Variants in SORCS2 observed in about 807,000 individuals in gnomAD.
The protein encoded by SORCS2 is sortilin related VPS10 domain containing receptor 2.
A neutral mutation model predicts 141.6 loss-of-function variants in SORCS2; 100 were observed. That is an observed-to-expected ratio of 0.71 (90% CI 0.60 to 0.83). The LOEUF is 0.83. Among genes scored for constraint, SORCS2 ranks in the 40% least tolerant of loss-of-function variants. SORCS2 has a pLI of 0.00. For missense variants in SORCS2, 1,646 were observed against 1,560.2 expected, an observed-to-expected ratio of 1.05 and a Z score of -0.93; for synonymous variants, 789 against 676.9, an observed-to-expected ratio of 1.17 and a Z score of -2.57.
intron 1 of SORCS2, among the ~76,000 whole-genome samples, chr4:7,358,124 G>T (rs1721368651): frequency 6.6e-6 from 1 of 152,194 alleles, no homozygotes; most frequent in Admixed American, 6.5e-5. Flanking sequence ...CACAGGAAAG[G>T]GCACAGAGAA....
At chr4:7,727,270 C>A (rs939967051) in intron 21 of SORCS2, among the ~76,000 whole-genome samples, 7 of 152,244 alleles carry the variant, frequency 4.6e-5, no homozygotes, top group African/African-American at 1.7e-4. Flanking sequence ...CAAGCCTGAG[C>A]ATTGTCTCAT....
chr4:7,741,540 A>C lies in SORCS2; in HGVS notation c.*1276A>C. 3.2e-6 allele frequency: 1 copy of C among 313,858 alleles called. No homozygotes were observed. The allele number at this position is 313,858 out of a possible 1,614,324, so 19.4% of individuals were successfully genotyped here. A position where few individuals can be genotyped will look rare whatever the true frequency, so the allele number is the denominator to read the frequency against. On this transcript the variant is annotated 3_prime_UTR_variant, in exon 27 of 27. Transcript: ENST00000507866. ...CCCTCCTCTCTGGCAGGGATCTCAGATGACCGTGGCCTCCCTCTCAGAGGG... is the reference window on the plus strand; with the variant it reads ...CCCTCCTCTCTGGCAGGGATCTCAGCTGACCGTGGCCTCCCTCTCAGAGGG...
At chr4:7,320,536 T>C (rs974441374) in intron 1 of SORCS2, among the ~76,000 whole-genome samples, 9 of 152,266 alleles carry the variant, frequency 5.9e-5, no homozygotes, top group African/African-American at 2.2e-4. Context: ...TGTTGCCAGA[T>C]GGCTGGTGTG....
chr4:7,414,724 G>C (rs1451720225), intron 2 of SORCS2, among the ~76,000 whole-genome samples: 1 of 152,234 alleles, frequency 6.6e-6, no homozygotes, highest in Non-Finnish European at 1.5e-5. Flanking sequence ...AAGAGCAACG[G>C]TACCAGGTGC....
chr4:7,285,803 G>A (rs1716179451), intron 1 of SORCS2, among the ~76,000 whole-genome samples: 3 of 152,224 alleles, frequency 2.0e-5, no homozygotes, highest in Non-Finnish European at 1.5e-5. Context: ...AAGTCCGAGG[G>A]TGCGGGAGTG....
intron 1 of SORCS2, among the ~76,000 whole-genome samples, chr4:7,345,469 G>T (rs114150726): frequency 0.022 from 3,275 of 152,192 alleles, 50 homozygotes; most frequent in Middle Eastern, 0.041. Flanking sequence ...CAGTAACTTG[G>T]GGGTCTCCTG....
At chr4:7,702,637 C>T (rs1336323244) in intron 12 of SORCS2, among the ~76,000 whole-genome samples, 2 of 152,252 alleles carry the variant, frequency 1.3e-5, no homozygotes, top group East Asian at 3.9e-4. Flanking sequence ...CCTTGGGGAT[C>T]TGGTGGTCGG....
intron 2 of SORCS2, among the ~76,000 whole-genome samples, chr4:7,506,133 C>T (rs1019278123): frequency 1.3e-5 from 2 of 152,060 alleles, no homozygotes; most frequent in Non-Finnish European, 2.9e-5. Context: ...AGGGACACTC[C>T]GGGGTCTGTG....
intron 1 of SORCS2, among the ~76,000 whole-genome samples, chr4:7,288,718 CCTT>C (rs1052132010): frequency 1.4e-4 from 21 of 146,276 alleles, no homozygotes; most frequent in African/African-American, 4.8e-4. Flanking sequence ...ACCTTAATCA[CCTT>C]CTTACAGTCC....
chr4:7,462,886 C>T (rs941959437), intron 2 of SORCS2, among the ~76,000 whole-genome samples: 1 of 150,530 alleles, frequency 6.6e-6, no homozygotes, highest in Admixed American at 6.7e-5. Context: ...CAGTGAGTTC[C>T]AAAAAACAAA....
chr4:7,560,209 C>A (rs2109668329), intron 3 of SORCS2, among the ~76,000 whole-genome samples: 1 of 152,294 alleles, frequency 6.6e-6, no homozygotes, highest in Admixed American at 6.5e-5. Context: ...TCCGAGGTGG[C>A]TGGGGCCAGG....
intron 1 of SORCS2, among the ~76,000 whole-genome samples, chr4:7,285,041 T>A (rs35856982): frequency 0.072 from 10,806 of 150,432 alleles, 605 homozygotes; most frequent in Admixed American, 0.17. Flanking sequence ...TATATATTTT[T>A]TTTTTTTTGA....
At chr4:7,535,070 C>T (rs1467535023) in intron 3 of SORCS2, among the ~76,000 whole-genome samples, 1 of 152,206 alleles carries the variant, frequency 6.6e-6, no homozygotes, top group Admixed American at 6.5e-5. Context: ...TCCTGTTGGA[C>T]CCCAGGTGGC....
intron 2 of SORCS2, among the ~76,000 whole-genome samples, chr4:7,481,101 C>A (rs758912478): frequency 1.8e-4 from 27 of 152,236 alleles, no homozygotes; most frequent in Admixed American, 4.6e-4. Flanking sequence ...AGTGGCCCTG[C>A]CTGGAGGGCC....
intron 1 of SORCS2, among the ~76,000 whole-genome samples, chr4:7,355,625 G>A (rs538770655): frequency 9.2e-5 from 14 of 152,230 alleles, no homozygotes; most frequent in Non-Finnish European, 1.9e-4. Flanking sequence ...GGGCTGAGGA[G>A]GTTTGCAACA....
intron 1 of SORCS2, among the ~76,000 whole-genome samples, chr4:7,250,498 C>T (rs1448788164): frequency 6.6e-6 from 1 of 152,196 alleles, no homozygotes; most frequent in Non-Finnish European, 1.5e-5. Flanking sequence ...TTGTATGTTT[C>T]CATAGAGACT....
intron 4 of SORCS2, among the ~76,000 whole-genome samples, chr4:7,646,698 C>T (rs961457236): frequency 1.3e-5 from 2 of 152,156 alleles, no homozygotes; most frequent in Admixed American, 1.3e-4. Context: ...GAGAAGGCGG[C>T]GTTTGCAAGC....
At chr4:7,288,504 C>T (rs1489694565) in intron 1 of SORCS2, among the ~76,000 whole-genome samples, 4 of 136,806 alleles carry the variant, frequency 2.9e-5, no homozygotes, top group African/African-American at 8.4e-5. Context: ...CTGGTGAGGA[C>T]ATCTTCCTGG....
At chr4:7,300,236 G>C (rs1441789635) in intron 1 of SORCS2, among the ~76,000 whole-genome samples, 2 of 152,154 alleles carry the variant, frequency 1.3e-5, no homozygotes, top group African/African-American at 4.8e-5. Flanking sequence ...GGTGGCCCAG[G>C]AGTGAGAGGT....
Sources: allele counts gnomAD v4.1 joint callset (sites outside exome capture counted in the v4.1 genomes callset), GRCh38; gene constraint gnomAD v4.1.1; transcripts MANE v1.5; gene names NCBI Gene and HGNC (gene_info 2026-07-23, HGNC 2026-07-21).